Variants in KIT observed in about 807,000 individuals in gnomAD.
KIT encodes the protein mast/stem cell growth factor receptor Kit.
In KIT, 16 loss-of-function variants were observed where a neutral mutation model predicts 105.7. The ratio of observed to expected loss-of-function variants is 0.15; its 90% CI spans 0.10 to 0.23. The LOEUF (loss-of-function observed/expected upper bound fraction) is 0.23, where lower values mean the gene tolerates loss of function less well. Ranked by LOEUF, KIT falls within the 10% of genes least tolerant of loss-of-function variation. KIT has a pLI of 1.00. For synonymous variants in KIT, 438 were observed against 441.1 expected (o/e 0.99, Z 0.09); for missense variants, 858 against 1,213.8 (o/e 0.71, Z 4.36).
intron 1 of KIT, among the ~76,000 whole-genome samples, chr4:54,664,700 T>C (rs1011350349): frequency 6.6e-6 from 1 of 151,976 alleles, no homozygotes; most frequent in African/African-American, 2.4e-5. Context: ...CTCCACCTCC[T>C]GAACTCAAGT....
intron 1 of KIT, among the ~76,000 whole-genome samples, chr4:54,676,263 A>G (rs1334020460): frequency 6.7e-6 from 1 of 150,086 alleles, no homozygotes; most frequent in Admixed American, 6.6e-5. Context: ...GCTGAGTTGG[A>G]AACTCTGAGA....
intron 1 of KIT, among the ~76,000 whole-genome samples, chr4:54,689,730 G>T (rs910731110): frequency 6.6e-6 from 1 of 152,182 alleles, no homozygotes; most frequent in Non-Finnish European, 1.5e-5. Context: ...TGTAACTTAG[G>T]ATGTACTATT....
intron 8 of KIT, 38 bp from the exon 9 acceptor site, chr4:54,725,819 C>T (rs1241038891): frequency 1.3e-6 from 2 of 1,574,454 alleles, no homozygotes; most frequent in Non-Finnish European, 1.7e-6. Flanking sequence ...TATTTATTTT[C>T]CTAGAGTAAG....
At chr4:54,688,218 G>T (rs948140129) in intron 1 of KIT, among the ~76,000 whole-genome samples, 1 of 152,150 alleles carries the variant, frequency 6.6e-6, no homozygotes, top group Admixed American at 6.5e-5. Context: ...TGTTGTGGGC[G>T]ATTACTGGGA....
At chr4:54,726,681 C>G (rs1034575611) in intron 9 of KIT, among the ~76,000 whole-genome samples, 1 of 151,776 alleles carries the variant, frequency 6.6e-6, no homozygotes, top group East Asian at 1.9e-4. Flanking sequence ...TCGGCAAAGA[C>G]TAGTGCCAAA....
intron 7 of KIT, among the ~76,000 whole-genome samples, chr4:54,713,183 T>C (rs1721265639): frequency 6.6e-6 from 1 of 152,060 alleles, no homozygotes; most frequent in African/African-American, 2.4e-5. Context: ...TCTTTTATGG[T>C]GATTTCTGAG....
chr4:54,688,486 T>C (rs1359223379), intron 1 of KIT, among the ~76,000 whole-genome samples: 1 of 152,080 alleles, frequency 6.6e-6, no homozygotes, highest in Non-Finnish European at 1.5e-5. Context: ...CTTATATTTG[T>C]GTCCAAAAGA....
chr4:54,675,989 A>G (rs1282877596), intron 1 of KIT, among the ~76,000 whole-genome samples: 1 of 152,168 alleles, frequency 6.6e-6, no homozygotes, highest in Admixed American at 6.5e-5. Context: ...TCTGTGCCCG[A>G]CTGGCTGCCA....
chr4:54,674,807 A>G (rs2855769), intron 1 of KIT, among the ~76,000 whole-genome samples: 4,121 of 152,262 alleles, frequency 0.027, 203 homozygotes, highest in African/African-American at 0.094. Flanking sequence ...GTGCCAGGAA[A>G]CTCACTGCTG....
intron 1 of KIT, among the ~76,000 whole-genome samples, chr4:54,661,580 G>A (rs1184213359): frequency 6.6e-6 from 1 of 152,242 alleles, no homozygotes; most frequent in Non-Finnish European, 1.5e-5. Context: ...TAGTTTAAGA[G>A]TTGGCAGGCT....
At chr4:54,688,324 G>A (rs547528664) in intron 1 of KIT, among the ~76,000 whole-genome samples, 13 of 152,228 alleles carry the variant, frequency 8.5e-5, no homozygotes, top group African/African-American at 2.6e-4. Flanking sequence ...TTTTTATTAC[G>A]AATTGTGGTT....
At chr4:54,694,329 A>G (rs1349713657) in intron 1 of KIT, among the ~76,000 whole-genome samples, 1 of 151,924 alleles carries the variant, frequency 6.6e-6, no homozygotes, top group Non-Finnish European at 1.5e-5. Flanking sequence ...TAAACCTCAT[A>G]GCTATGTTTT....
chr4:54,683,354 T>C (rs1352379702), intron 1 of KIT, among the ~76,000 whole-genome samples: 1 of 151,908 alleles, frequency 6.6e-6, no homozygotes, highest in African/African-American at 2.4e-5. Context: ...TATGCAGTTA[T>C]GGCCGGGCGC....
intron 9 of KIT, 124 bp from the exon 10 acceptor site, chr4:54,727,094 C>G: frequency 4.9e-6 from 4 of 811,610 alleles, no homozygotes; most frequent in East Asian, 2.5e-5. Flanking sequence ...CTCTGAGACT[C>G]ACATAGCTTT....
chr4:54,710,362 T>C (rs1349761674), intron 7 of KIT, among the ~76,000 whole-genome samples: 4 of 152,084 alleles, frequency 2.6e-5, no homozygotes, highest in Non-Finnish European at 5.9e-5. Context: ...TAAATGACTA[T>C]TGGAATTGGC....
chr4:54,670,731 A>G (rs1486222326), intron 1 of KIT, among the ~76,000 whole-genome samples: 2 of 152,138 alleles, frequency 1.3e-5, no homozygotes, highest in Non-Finnish European at 2.9e-5. Context: ...AGCCAGTCAT[A>G]AAACCTAGCA....
rs1060502547 is a variant in KIT at position 54,698,515 on chromosome 4, A to T, written c.569A>T (p.Gln190Leu). The change falls in exon 3 of 21, where the codon CAG (glutamine) becomes CTG (leucine). Residue 190 changes from glutamine to leucine, a missense_variant. By Grantham distance (113) the Gln-to-Leu change is moderately radical. This residue lies in a region of KIT where 401 missense variants were observed against 601.0 expected (regional missense o/e 0.67). Coordinates refer to ENST00000288135, the MANE Select transcript of KIT (RefSeq NM_000222.3). ...CTCTGTCTGCATTGTTCTGTGGACCAGGAGGGCAAGTCAGTGCTGTCGGAA... is the reference window on the plus strand; with the variant it reads ...CTCTGTCTGCATTGTTCTGTGGACCTGGAGGGCAAGTCAGTGCTGTCGGAA... ...HRLCLHCSVD[Q>L]EGKSVLSEKF... 6.2e-7 allele frequency: 1 copy of T among 1,614,204 alleles called. No homozygotes were observed. The highest frequency in any genetic ancestry group is 8.5e-7 in the Non-Finnish European group (1 of 1,180,040).
intron 1 of KIT, among the ~76,000 whole-genome samples, chr4:54,672,257 A>C (rs529217948): frequency 6.6e-6 from 1 of 151,568 alleles, no homozygotes; most frequent in Non-Finnish European, 1.5e-5. Flanking sequence ...ACCATTTTGA[A>C]TATTTCCTGT....
intron 1 of KIT, among the ~76,000 whole-genome samples, chr4:54,687,743 C>A (rs984450738): frequency 1.6e-4 from 24 of 152,152 alleles, no homozygotes; most frequent in African/African-American, 5.1e-4. Flanking sequence ...CCTTCCTTTT[C>A]CTTGAATACA....
Sources: gnomAD v4.1 joint callset for allele counts (sites outside exome capture counted in the v4.1 genomes callset) on GRCh38, gnomAD v4.1.1 for gene constraint, gnomAD v4.1.1 regional missense constraint, MANE v1.5 for transcripts, NCBI Gene and HGNC (gene_info 2026-07-23, HGNC 2026-07-21) for gene names.